Variants in EYS observed in about 807,000 individuals in gnomAD.
The protein encoded by EYS is protein eyes shut homolog.
EYS carries 250 observed loss-of-function variants against 282.1 expected under a neutral mutation model. That is an observed-to-expected ratio of 0.89 (90% CI 0.80 to 0.98). The LOEUF (loss-of-function observed/expected upper bound fraction) is 0.98, where lower values mean the gene tolerates loss of function less well. EYS is among the 50% of genes least tolerant of loss of function. The pLI is 0.00. For synonymous variants in EYS, 1,355 were observed against 1,282.9 expected, an observed-to-expected ratio of 1.06 and a Z score of -1.20; for missense variants, 4,016 against 3,709.0, an observed-to-expected ratio of 1.08 and a Z score of -2.15.
At chr6:64,208,042 T>A (rs1455225938) in intron 31 of EYS, among the ~76,000 whole-genome samples, 1 of 152,196 alleles carries the variant, frequency 6.6e-6, no homozygotes. Context: ...ATTCTTCTGA[T>A]CTAAATATAT....
intron 24 of EYS, among the ~76,000 whole-genome samples, chr6:64,601,007 T>C (rs1766744737): frequency 6.6e-6 from 1 of 152,076 alleles, no homozygotes; most frequent in Admixed American, 6.6e-5. Context: ...TTTTTGATCT[T>C]CATCTTATTC....
At chr6:64,823,773 G>C (rs1562210884) in intron 19 of EYS, among the ~76,000 whole-genome samples, 1 of 151,854 alleles carries the variant, frequency 6.6e-6, no homozygotes, top group Admixed American at 6.6e-5. Flanking sequence ...TTTAAATCAT[G>C]TTTCCTCTGA....
chr6:64,442,907 G>A (rs924613398), intron 26 of EYS, among the ~76,000 whole-genome samples: 18 of 137,376 alleles, frequency 1.3e-4, no homozygotes, highest in Non-Finnish European at 2.6e-4. Context: ...GAAGGGAAAT[G>A]TTGGGTGGGA....
intron 19 of EYS, among the ~76,000 whole-genome samples, chr6:64,858,760 A>G (rs928610407): frequency 6.6e-6 from 1 of 152,270 alleles, no homozygotes; most frequent in East Asian, 1.9e-4. Context: ...ATGCCAAAAA[A>G]CCTCATGTTA....
intron 24 of EYS, among the ~76,000 whole-genome samples, chr6:64,593,778 C>A (rs973382622): frequency 1.3e-5 from 2 of 152,036 alleles, no homozygotes; most frequent in African/African-American, 4.8e-5. Flanking sequence ...TTTGTATTGG[C>A]TTGCAGTAGG....
At position 63,738,040 on chromosome 6, in the gene EYS, T is replaced by C. The variant is rs1303131211; in HGVS notation, c.8072-11360A>G. ...TGCAAATCAAAACCACAATGAGATA[T>C]CATCTCACACCAGTTAGAATGGTAA... On this transcript the variant is annotated intron_variant, in intron 41 of 42. Coordinates refer to ENST00000503581, the MANE Select transcript of EYS (RefSeq NM_001142800.2). 5.3e-5 allele frequency among the ~76,000 whole-genome samples: 8 copies of C among 151,994 alleles called. No homozygotes were observed. In the East Asian group the frequency reaches 7.7e-4, roughly 15 times the overall value.
intron 33 of EYS, among the ~76,000 whole-genome samples, chr6:64,001,450 C>CT (rs550606770): frequency 3.3e-5 from 5 of 151,398 alleles, no homozygotes; most frequent in African/African-American, 7.3e-5. Flanking sequence ...ATGCAACCGA[C>CT]TTTTTTTTTC....
At chr6:64,728,911 T>C (rs907729178) in intron 22 of EYS, 1 of 152,222 alleles carries the variant, frequency 6.6e-6, no homozygotes, top group Non-Finnish European at 1.5e-5. Flanking sequence ...GGAAAGCAGA[T>C]GGAGTGGGAG....
intron 24 of EYS, among the ~76,000 whole-genome samples, chr6:64,614,519 A>G (rs1227979206): frequency 6.6e-6 from 1 of 152,134 alleles, no homozygotes; most frequent in Non-Finnish European, 1.5e-5. Flanking sequence ...CAGTAATAAA[A>G]CAACCTTAAC....
intron 22 of EYS, among the ~76,000 whole-genome samples, chr6:64,767,128 C>T (rs2350287): frequency 0.88 from 132,725 of 150,228 alleles, 60,648 homozygotes; most frequent in Non-Finnish European, 0.99. Context: ...CATTAGTTTT[C>T]ATAAGTGAAT....
intron 31 of EYS, among the ~76,000 whole-genome samples, chr6:64,212,582 T>A (rs1201634567): frequency 2.0e-5 from 3 of 151,786 alleles, no homozygotes; most frequent in Non-Finnish European, 4.4e-5. Context: ...TTTTTTTTTT[T>A]AACACCTTTA....
In EYS at chr6:63,782,506, C is replaced by T. The variant is rs1324326434; in HGVS notation, c.7724-4326G>A. On this transcript the variant is annotated intron_variant, in intron 39 of 42. Transcript: ENST00000503581. ...GGATATATGTGTCCAGGAATTTATC[C>T]ATTTCTTCTAACTTTTCTAGTTTAT... Among the ~76,000 whole-genome samples the T allele has an allele frequency of 2.6e-5, 4 of 152,292 alleles. No homozygotes were observed. The East Asian group carries it at 5.8e-4, about 22-fold the overall frequency.
At chr6:64,785,738 G>T (rs1773995900) in intron 22 of EYS, among the ~76,000 whole-genome samples, 1 of 152,052 alleles carries the variant, frequency 6.6e-6, no homozygotes, top group South Asian at 2.1e-4. Flanking sequence ...GTTGCACTTT[G>T]ATTATTTGTC....
Position 63,897,241 on chromosome 6 carries a change from G to A in EYS, c.7056-32883C>T, listed in dbSNP as rs148933130. On this transcript the variant is annotated intron_variant, in intron 35 of 42. Coordinates refer to ENST00000503581, the MANE Select transcript of EYS (RefSeq NM_001142800.2). ...GAATTTATCCAAAACATGTATTGAG[G>A]CATGTAGTAGGCTGAACAATGGTCT... 5.9e-5 allele frequency among the ~76,000 whole-genome samples: 9 copies of A among 152,288 alleles called. No homozygotes were observed. In the East Asian group the frequency reaches 1.7e-3, roughly 29 times the overall value.
Position 64,590,375 on chromosome 6 carries a change from A to G in EYS, c.5492T>C (p.Val1831Ala), listed in dbSNP as rs879866506. 10 of 1,551,184 alleles carry G rather than the reference A, an allele frequency of 6.4e-6. No individual in the cohort carries two copies. Among genetic ancestry groups the G allele is most frequent in the Non-Finnish European group, 8.7e-6 (10 of 1,146,710 alleles). Residue 1831 changes from valine to alanine, a missense_variant, in exon 26 of 43, where the codon GTC becomes GCC. Transcript: ENST00000503581. ...TDYMTSLKKE[V>A]KTSSEWSKWE... is the part of the protein sequence containing the mutation. ...TTTGGACCATTCTGAAGAAGTCTTG[A>G]CCTCTTTTTTAAGAGAGGTCATATA...
chr6:64,059,750 C>T (rs972401497), intron 33 of EYS, among the ~76,000 whole-genome samples: 1 of 152,104 alleles, frequency 6.6e-6, no homozygotes, highest in Non-Finnish European at 1.5e-5. Flanking sequence ...CAATTTAATA[C>T]AAATAAACTG....
chr6:64,180,403 A>G (rs775798026), intron 31 of EYS, among the ~76,000 whole-genome samples: 12 of 152,184 alleles, frequency 7.9e-5, no homozygotes, highest in Non-Finnish European at 1.6e-4. Context: ...AAATAGGTCA[A>G]TAAATTAGGT....
At chr6:65,642,645 G>T (rs6908305) in intron 1 of EYS, among the ~76,000 whole-genome samples, 88,061 of 151,912 alleles carry the variant, frequency 0.58, 26,936 homozygotes, top group East Asian at 0.78. Flanking sequence ...ACTATAGATA[G>T]GTCAATACAA....
intron 22 of EYS, among the ~76,000 whole-genome samples, chr6:64,655,056 C>T (rs144766844): frequency 1.6e-4 from 24 of 152,158 alleles, no homozygotes; most frequent in South Asian, 2.1e-4. Context: ...AAATTAAAAA[C>T]GTGAAAAAAA....
Sources: gnomAD v4.1 joint callset for allele counts (sites outside exome capture counted in the v4.1 genomes callset) on GRCh38, gnomAD v4.1.1 for gene constraint, MANE v1.5 for transcripts, NCBI Gene and HGNC (gene_info 2026-07-23, HGNC 2026-07-21) for gene names.